GPRC5C: variants seen among roughly 807,000 people sequenced by gnomAD.
The protein encoded by GPRC5C is G protein-coupled receptor family C group 5 member C.
Under a neutral mutation model 31.4 loss-of-function variants are expected in GPRC5C, and 22 were observed. The ratio of observed to expected loss-of-function variants is 0.70; its 90% CI spans 0.50 to 1.00. The LOEUF (loss-of-function observed/expected upper bound fraction) is 1.00. Among genes scored for constraint, GPRC5C ranks in the 50% least tolerant of loss-of-function variants. The probability of loss-of-function intolerance (pLI) is 0.00; values close to 1 mark genes in which losing one functional copy is unlikely to be tolerated. For synonymous variants in GPRC5C, 249 were observed against 257.5 expected (o/e 0.97, Z 0.32); for missense variants, 557 against 597.2 (o/e 0.93, Z 0.70).
At chr17:74,433,933 T>C (rs1291755348) in intron 1 of GPRC5C, among the ~76,000 whole-genome samples, 1 of 152,292 alleles carries the variant, frequency 6.6e-6, no homozygotes, top group East Asian at 1.9e-4. Flanking sequence ...GGTTGCTGGA[T>C]GAAGCCACTT....
chr17:74,443,813 T>A lies in GPRC5C; in HGVS notation c.1052-5T>A, dbSNP rs1224818283. On this transcript the variant is annotated splice_region_variant and splice_polypyrimidine_tract_variant and intron_variant, in intron 2 of 3. Coordinates refer to ENST00000392627, the MANE Select transcript of GPRC5C (RefSeq NM_022036.4). ...TCTTCAAACTGTTCCTGCTTTTCCT[T>A]GTAGCTAAGAGGCCGGTGTCACCAT... 1 of 1,604,242 alleles carries A rather than the reference T, an allele frequency of 6.2e-7. No individual in the cohort carries two copies. Among genetic ancestry groups the A allele is most frequent in the Admixed American group, 1.7e-5 (1 of 59,984 alleles).
downstream of GPRC5C, among the ~76,000 whole-genome samples, chr17:74,447,999 C>T (rs768898539): frequency 2.6e-5 from 4 of 152,172 alleles, no homozygotes; most frequent in Non-Finnish European, 4.4e-5. Flanking sequence ...TGGTTTCGTT[C>T]CCGAGCGGTC....
chr17:74,444,939 C>G (rs1490019764), intron 3 of GPRC5C, among the ~76,000 whole-genome samples: 1 of 152,158 alleles, frequency 6.6e-6, no homozygotes, highest in African/African-American at 2.4e-5. Context: ...ACTAGCCTCA[C>G]CTGGGAGCCT....
Position 74,444,025 on chromosome 17 carries a change from G to A in GPRC5C, c.1146+113G>A, listed in dbSNP as rs566144955. On this transcript the variant is annotated intron_variant, in intron 3 of 3. Transcript: ENST00000392627. The stretch of plus-strand genomic sequence containing the variant: ...GCTGGGTTGGGTGGAGGTGGTAAGG[G>A]GAAGGCAAGCTTCTCCATCTGGTGC... 3.1e-4 allele frequency: 220 copies of A among 720,730 alleles called. 2 individuals carry two copies. The African/African-American group carries it at 3.2e-3, about 10-fold the overall frequency. The allele number at this position is 720,730 out of a possible 1,614,324, so 44.6% of individuals were successfully genotyped here.
rs369879154 is a variant in GPRC5C at position 74,432,128 on chromosome 17, G to C, written c.-46G>C. On this transcript the variant is annotated 5_prime_UTR_variant, in exon 1 of 4. Coordinates refer to ENST00000392627, the MANE Select transcript of GPRC5C (RefSeq NM_022036.4). ...CCTCACCAGCCGGAAAGTACGAGTC[G>C]GCTCAGCCTGGAGGTGAGTCGGGGC... 38 of 1,612,908 alleles carry C rather than the reference G, an allele frequency of 2.4e-5. No individual in the cohort carries two copies. The highest frequency in any genetic ancestry group is 2.9e-5 in the Non-Finnish European group (34 of 1,179,682).
chr17:74,442,191 C>G (rs534661280), intron 2 of GPRC5C, among the ~76,000 whole-genome samples: 33 of 152,190 alleles, frequency 2.2e-4, no homozygotes, highest in African/African-American at 7.0e-4. Context: ...TTAATAGAGA[C>G]GGGATTTCAC....
In GPRC5C at chr17:74,440,609, C is replaced by A; in HGVS notation, c.833C>A (p.Pro278His). 1.2e-6 allele frequency: 2 copies of A among 1,610,624 alleles called. No homozygotes were observed. The highest frequency in any genetic ancestry group is 2.7e-5 in the African/African-American group (2 of 75,002). Residue 278 changes from proline (P) to histidine (H), a missense_variant, in exon 2 of 4, where the codon CCC becomes CAC. By Grantham distance (77) the Pro-to-His change is moderately conservative. Coordinates refer to ENST00000392627, the MANE Select transcript of GPRC5C (RefSeq NM_022036.4). This position sits in a 1 kb window ranked among gnomAD's most constrained non-coding sequence, Gnocchi z 4.4. ...CACAACAGTCCCACCTGGGATGACC[C>A]CACGCTGGCCATCGCCCTCGCCGCC... ...KQHNSPTWDD[P>H]TLAIALAANA...
intron 1 of GPRC5C, among the ~76,000 whole-genome samples, chr17:74,437,496 T>C (rs760397970): frequency 2.0e-5 from 3 of 152,200 alleles, no homozygotes; most frequent in Non-Finnish European, 4.4e-5. Context: ...CCTAAATATT[T>C]TCAAGTGGCA....
chr17:74,443,659 ACCC>A lies in GPRC5C; in HGVS notation c.1052-156_1052-154del, dbSNP rs1349945056. 3 of 650,300 alleles carry A rather than the reference ACCC, an allele frequency of 4.6e-6. No homozygotes were observed. In the African/African-American group the frequency reaches 5.6e-5, roughly 12 times the overall value. The allele number at this position is 650,300 out of a possible 1,614,324, so 40.3% of individuals were successfully genotyped here. On this transcript the variant is annotated intron_variant, in intron 2 of 3. Transcript: ENST00000392627. Reference sequence around the variant, plus strand: ...AGGGGGCCCCCGTGTTCACAACCTCACCCCCAAGTTGGCCACTCCTGGGTTAGA... The same window carrying A: ...AGGGGGCCCCCGTGTTCACAACCTCACCAAGTTGGCCACTCCTGGGTTAGA...
chr17:74,438,206 CATATATATATATAT>C (rs71157066), intron 1 of GPRC5C, among the ~76,000 whole-genome samples: 205 of 45,268 alleles, frequency 4.5e-3, no homozygotes, highest in African/African-American at 0.011. Context: ...TCTGCTAATT[CATATATATATATAT>C]ATATATATAT....
chr17:74,436,409 ACT>A (rs968119119), intron 1 of GPRC5C, among the ~76,000 whole-genome samples: 1 of 148,862 alleles, frequency 6.7e-6, no homozygotes, highest in African/African-American at 2.5e-5. Flanking sequence ...TCTGAGTAAA[ACT>A]CTGCGGAACA....
intron 1 of GPRC5C, among the ~76,000 whole-genome samples, chr17:74,438,693 C>T (rs1408459803): frequency 6.6e-6 from 1 of 152,144 alleles, no homozygotes; most frequent in African/African-American, 2.4e-5. Flanking sequence ...ACCACCGTGC[C>T]CAGCAGCATT....
At position 74,435,369 on chromosome 17, in the gene GPRC5C, C is replaced by A. The variant is rs552381137; in HGVS notation, c.-33+3228C>A. 2.0e-5 allele frequency among the ~76,000 whole-genome samples: 3 copies of A among 152,370 alleles called. No homozygotes were observed. In the East Asian group the frequency reaches 5.8e-4, roughly 29 times the overall value. On this transcript the variant is annotated intron_variant, in intron 1 of 3. Coordinates refer to ENST00000392627, the MANE Select transcript of GPRC5C (RefSeq NM_022036.4). The stretch of plus-strand genomic sequence containing the variant: ...ACGCCCAGAAAGCCCAGGTTTCCCA[C>A]CTGAGTCCATGTATTTCTGTCTTCC...
chr17:74,449,248 C>A, downstream of GPRC5C: 1 of 665,764 alleles, frequency 1.5e-6, no homozygotes. Flanking sequence ...CTCCTGGGGA[C>A]TGAAACACTA....
At chr17:74,449,219 A>G (rs1235584379), downstream of GPRC5C, 4 of 455,632 alleles carry the variant, frequency 8.8e-6, no homozygotes, top group East Asian at 7.2e-5. Flanking sequence ...TTCTCCTTCT[A>G]TGCTCAGATT....
intron 1 of GPRC5C, among the ~76,000 whole-genome samples, chr17:74,436,133 C>G (rs953416780): frequency 6.6e-6 from 1 of 152,238 alleles, no homozygotes; most frequent in African/African-American, 2.4e-5. Flanking sequence ...CCCCCAGCCC[C>G]ACCCCTGTAG....
At chr17:74,432,397 A>G (rs1433586679) in intron 1 of GPRC5C, 1 of 1,279,680 alleles carries the variant, frequency 7.8e-7, no homozygotes, top group Non-Finnish European at 9.9e-7. Flanking sequence ...GGGCCCCGCC[A>G]TCCCAGCCAG....
chr17:74,441,996 AT>A (rs1177947559), intron 2 of GPRC5C, among the ~76,000 whole-genome samples: 2 of 151,792 alleles, frequency 1.3e-5, no homozygotes, highest in East Asian at 1.9e-4. Flanking sequence ...TTTTCAGGTA[AT>A]TTTTTTCTCT....
At chr17:74,442,246 G>T (rs1022367315) in intron 2 of GPRC5C, among the ~76,000 whole-genome samples, 39 of 152,224 alleles carry the variant, frequency 2.6e-4, no homozygotes, top group Non-Finnish European at 4.4e-4. Context: ...CAAGTGATCC[G>T]CCTGCCTCGG....
Sources: allele counts gnomAD v4.1 joint callset (sites outside exome capture counted in the v4.1 genomes callset), GRCh38; gene constraint gnomAD v4.1.1; non-coding constraint Gnocchi (gnomAD v3.1); transcripts MANE v1.5; gene names NCBI Gene and HGNC (gene_info 2026-07-23, HGNC 2026-07-21).